The following YWHAQ variants were observed in gnomAD, a reference collection of about 807,000 sequenced individuals.
YWHAQ encodes tyrosine 3-monooxygenase/tryptophan 5-monooxygenase activation protein theta, also known as 14-3-3 protein theta.
YWHAQ carries 6 observed loss-of-function variants against 28.3 expected under a neutral mutation model. That is an observed-to-expected ratio of 0.21 (90% confidence interval 0.12 to 0.42). The LOEUF is 0.42. Among genes scored for constraint, YWHAQ ranks in the 10% least tolerant of loss-of-function variants. The pLI, the probability that YWHAQ is intolerant of heterozygous loss-of-function variation, is 1.00. For missense variants in YWHAQ, 201 were observed against 305.6 expected, an observed-to-expected ratio of 0.66 and a Z score of 2.55; for synonymous variants, 143 against 119.1, an observed-to-expected ratio of 1.20 and a Z score of -1.31.
intron 2 of YWHAQ, among the ~76,000 whole-genome samples, chr2:9,608,572 A>T (rs1438979838): frequency 6.6e-6 from 1 of 152,232 alleles, no homozygotes; most frequent in Non-Finnish European, 1.5e-5. Context: ...CAGCACAAAT[A>T]ATCAAAACTA....
intron 2 of YWHAQ, among the ~76,000 whole-genome samples, chr2:9,622,183 A>T (rs1047767969): frequency 2.3e-5 from 3 of 129,352 alleles, no homozygotes; most frequent in African/African-American, 1.1e-4. Flanking sequence ...TTAAAGTATT[A>T]AAAAAAAAAA....
At chr2:9,613,195 T>A (rs1269133894) in intron 2 of YWHAQ, among the ~76,000 whole-genome samples, 4 of 152,212 alleles carry the variant, frequency 2.6e-5, no homozygotes, top group African/African-American at 9.7e-5. Flanking sequence ...GAGCACTCAT[T>A]AATGTGAATT....
intron 2 of YWHAQ, among the ~76,000 whole-genome samples, chr2:9,611,031 T>C (rs772281963): frequency 1.4e-4 from 22 of 152,182 alleles, no homozygotes; most frequent in Non-Finnish European, 2.2e-4. Flanking sequence ...TTTGGAAACT[T>C]TTCTCAGACA....
chr2:9,608,032 A>G (rs1208958770), intron 2 of YWHAQ, among the ~76,000 whole-genome samples: 1 of 152,128 alleles, frequency 6.6e-6, no homozygotes, highest in African/African-American at 2.4e-5. Flanking sequence ...TTAGAGCAAT[A>G]AAGAGCAGTA....
At chr2:9,627,892 A>T (rs972459446) in intron 2 of YWHAQ, among the ~76,000 whole-genome samples, 2 of 152,142 alleles carry the variant, frequency 1.3e-5, no homozygotes, top group African/African-American at 2.4e-5. Flanking sequence ...CTCTTCCCTC[A>T]ACGTTCACCC....
chr2:9,616,646 C>T (rs6748558), intron 2 of YWHAQ, among the ~76,000 whole-genome samples: 2 of 151,592 alleles, frequency 1.3e-5, no homozygotes, highest in Non-Finnish European at 2.9e-5. Flanking sequence ...AGCAAAGGAT[C>T]TGAACAGACA....
intron 2 of YWHAQ, 51 bp from the exon 3 acceptor site, chr2:9,591,566 A>C (rs1321497713): frequency 1.5e-5 from 24 of 1,557,302 alleles, no homozygotes; most frequent in Non-Finnish European, 1.9e-5. Context: ...CCTACTGTGC[A>C]TTATCATTAA....
At chr2:9,607,711 C>CTTT (rs34963513) in intron 2 of YWHAQ, among the ~76,000 whole-genome samples, 1,390 of 128,630 alleles carry the variant, frequency 0.011, 58 homozygotes, top group African/African-American at 0.04. Context: ...AATTCTTCCT[C>CTTT]TTTTTTTTTT....
intron 2 of YWHAQ, among the ~76,000 whole-genome samples, chr2:9,626,447 G>T (rs1396655096): frequency 6.6e-6 from 1 of 152,114 alleles, no homozygotes; most frequent in Non-Finnish European, 1.5e-5. Flanking sequence ...TTTTGTTTTT[G>T]TTTTCAGAGT....
At chr2:9,611,268 A>T (rs1342520788) in intron 2 of YWHAQ, among the ~76,000 whole-genome samples, 5 of 152,170 alleles carry the variant, frequency 3.3e-5, no homozygotes, top group Non-Finnish European at 4.4e-5. Flanking sequence ...GTCATACCAC[A>T]CTTACTAAAC....
At chr2:9,602,500 C>T (rs942389124) in intron 2 of YWHAQ, among the ~76,000 whole-genome samples, 1 of 150,900 alleles carries the variant, frequency 6.6e-6, no homozygotes, top group African/African-American at 2.5e-5. Context: ...GCTAATAATA[C>T]ACCTACGCAC....
At chr2:9,616,546 T>C (rs534954651) in intron 2 of YWHAQ, among the ~76,000 whole-genome samples, 44 of 150,254 alleles carry the variant, frequency 2.9e-4, no homozygotes, top group African/African-American at 9.6e-4. Flanking sequence ...AAATCATCTA[T>C]CTGATAAAGG....
chr2:9,608,696 C>T (rs778582670), intron 2 of YWHAQ, among the ~76,000 whole-genome samples: 2 of 152,200 alleles, frequency 1.3e-5, no homozygotes, highest in Non-Finnish European at 2.9e-5. Flanking sequence ...CGCCTGTAAT[C>T]CCAACATTTT....
At chr2:9,605,651 C>T (rs1210758428) in intron 2 of YWHAQ, among the ~76,000 whole-genome samples, 1 of 151,168 alleles carries the variant, frequency 6.6e-6, no homozygotes, top group Non-Finnish European at 1.5e-5. Flanking sequence ...ACCTCTGCTT[C>T]CCGGGTTCAG....
intron 2 of YWHAQ, among the ~76,000 whole-genome samples, chr2:9,612,971 G>A (rs1666980128): frequency 6.6e-6 from 1 of 152,158 alleles, no homozygotes; most frequent in Non-Finnish European, 1.5e-5. Context: ...GCTCGATCAT[G>A]TCTCTTTGCC....
At chr2:9,587,953 C>T (rs966462355) in intron 4 of YWHAQ, among the ~76,000 whole-genome samples, 4 of 152,112 alleles carry the variant, frequency 2.6e-5, no homozygotes, top group African/African-American at 7.2e-5. Flanking sequence ...GCTCAGTATG[C>T]TCTGTAGGCA....
chr2:9,627,961 T>C (rs1573009288), intron 2 of YWHAQ, among the ~76,000 whole-genome samples: 2 of 152,250 alleles, frequency 1.3e-5, no homozygotes, highest in African/African-American at 2.4e-5. Context: ...TCAGACTACA[T>C]AGCATTGTGT....
intron 2 of YWHAQ, among the ~76,000 whole-genome samples, chr2:9,610,663 C>G (rs999812605): frequency 6.6e-6 from 1 of 152,090 alleles, no homozygotes; most frequent in African/African-American, 2.4e-5. Context: ...CATGCGCCAC[C>G]ATGCCCGGCT....
Position 9,614,324 on chromosome 2 carries a change from C to T in YWHAQ, c.294+15835G>A, listed in dbSNP as rs184002117. On this transcript the variant is annotated intron_variant, in intron 2 of 5. Transcript: ENST00000238081. Reference sequence around the variant, plus strand: ...TACAAAAAGAATCAAGGCAAATAAACGCCAAAGTCTATACACACTTTCTTC... The same window carrying T: ...TACAAAAAGAATCAAGGCAAATAAATGCCAAAGTCTATACACACTTTCTTC... Among the ~76,000 whole-genome samples the T allele has an allele frequency of 7.2e-5, 11 of 152,290 alleles. No homozygotes were observed. In the East Asian group the frequency reaches 7.7e-4, roughly 11 times the overall value.
Sources: gnomAD v4.1 joint callset for allele counts (sites outside exome capture counted in the v4.1 genomes callset) on GRCh38, gnomAD v4.1.1 for gene constraint, MANE v1.5 for transcripts, NCBI Gene and HGNC (gene_info 2026-07-23, HGNC 2026-07-21) for gene names.